The following PCDH15 variants were observed in gnomAD, a reference collection of about 807,000 sequenced individuals.
PCDH15 encodes the protein protocadherin related 15, also known as protocadherin-15.
Under a neutral mutation model 178.5 loss-of-function variants are expected in PCDH15, and 129 were observed. That is an observed-to-expected ratio of 0.72 (90% confidence interval 0.63 to 0.84). The LOEUF is 0.84. Among genes scored for constraint, PCDH15 ranks in the 40% least tolerant of loss-of-function variants. PCDH15 has a pLI of 0.00. For missense variants in PCDH15, 2,230 were observed against 2,099.9 expected (o/e 1.06, Z -1.21); for synonymous variants, 800 against 732.0 (o/e 1.09, Z -1.50).
intron 18 of PCDH15, among the ~76,000 whole-genome samples, chr10:54,028,943 A>AT (rs1491566644): frequency 7.6e-6 from 1 of 131,498 alleles, no homozygotes; most frequent in African/African-American, 3.3e-5. Flanking sequence ...TATAATAATA[A>AT]TAAAAAAAAG....
chr10:54,881,430 A>G (rs1954259996), intron 3 of PCDH15, among the ~76,000 whole-genome samples: 1 of 152,126 alleles, frequency 6.6e-6, no homozygotes. Context: ...TAAATAGTTT[A>G]GTCTGTGCTT....
At chr10:55,538,862 CTCCTTTCCTTCCTTCCTCCCTTCCT>C (rs1841681726) in intron 2 of PCDH15, among the ~76,000 whole-genome samples, 8 of 31,140 alleles carry the variant, frequency 2.6e-4, no homozygotes, top group Non-Finnish European at 3.9e-4. Context: ...TCCTTCCTTC[CTCCTTTCCTTCCTTCCTCCCTTCCT>C]TCCTTTCCTT....
At chr10:54,174,579 T>A (rs1194130722) in intron 13 of PCDH15, among the ~76,000 whole-genome samples, 1 of 151,400 alleles carries the variant, frequency 6.6e-6, no homozygotes, top group Non-Finnish European at 1.5e-5. Context: ...TGAGAAAAAA[T>A]TGGTAGGAGG....
At chr10:53,823,319 A>T (rs1460890929) in intron 32 of PCDH15, 1 of 1,613,830 alleles carries the variant, frequency 6.2e-7, no homozygotes, top group African/African-American at 1.3e-5. Flanking sequence ...AGACTGAGTT[A>T]TTTCCCCTGC....
At chr10:54,027,206 T>TAA (rs1193715630) in intron 18 of PCDH15, among the ~76,000 whole-genome samples, 14 of 148,366 alleles carry the variant, frequency 9.4e-5, no homozygotes, top group African/African-American at 3.3e-4. Flanking sequence ...TCAAAGAGGA[T>TAA]AAAATACCTA....
At chr10:54,117,260 TC>T (rs993397583) in intron 15 of PCDH15, among the ~76,000 whole-genome samples, 8 of 140,498 alleles carry the variant, frequency 5.7e-5, no homozygotes, top group African/African-American at 2.1e-4. Context: ...GGCAGGCAGC[TC>T]CAGGTGCCAG....
At chr10:55,384,421 A>T (rs888335863) in intron 2 of PCDH15, among the ~76,000 whole-genome samples, 1 of 152,062 alleles carries the variant, frequency 6.6e-6, no homozygotes, top group African/African-American at 2.4e-5. Flanking sequence ...CTGTTATCTC[A>T]AATAAAAACA....
intron 14 of PCDH15, among the ~76,000 whole-genome samples, chr10:54,140,368 T>A (rs2043282381): frequency 6.6e-6 from 1 of 152,074 alleles, no homozygotes; most frequent in Non-Finnish European, 1.5e-5. Context: ...GAATCAGGAA[T>A]AAAATATCCA....
At chr10:54,707,703 A>G (rs751110287) in intron 1 of PCDH15, among the ~76,000 whole-genome samples, 61 of 152,206 alleles carry the variant, frequency 4.0e-4, no homozygotes, top group Non-Finnish European at 6.2e-4. Flanking sequence ...TTCTCACTTC[A>G]TGAAAAACTG....
intron 3 of PCDH15, among the ~76,000 whole-genome samples, chr10:54,420,759 A>G (rs1275444534): frequency 2.6e-5 from 4 of 152,100 alleles, no homozygotes. Flanking sequence ...CAGATGAAGA[A>G]AAAAGGAAAT....
At chr10:54,876,524 T>A (rs1421342437) in intron 3 of PCDH15, among the ~76,000 whole-genome samples, 4 of 152,096 alleles carry the variant, frequency 2.6e-5, no homozygotes, top group Non-Finnish European at 5.9e-5. Context: ...ATTAAGAACA[T>A]TCATGATTTA....
chr10:54,011,794 G>T (rs2092594364), intron 20 of PCDH15, among the ~76,000 whole-genome samples: 1 of 152,160 alleles, frequency 6.6e-6, no homozygotes, highest in Non-Finnish European at 1.5e-5. Flanking sequence ...CCAACTGACT[G>T]TACTCAAATT....
At chr10:53,808,574 G>A in intron 37 of PCDH15, 1 of 1,459,354 alleles carries the variant, frequency 6.9e-7, no homozygotes, top group South Asian at 1.5e-5. Context: ...CTGATCATAA[G>A]TCATATCAAA....
In PCDH15 at chr10:55,335,826, G is replaced by T. The variant is rs550742729; in HGVS notation, c.-155-169175C>A. Among the ~76,000 whole-genome samples, 4 of 152,166 alleles carry T rather than the reference G, an allele frequency of 2.6e-5. No individual in the cohort carries two copies. The South Asian group carries it at 8.3e-4, about 32-fold the overall frequency. The stretch of plus-strand genomic sequence containing the variant: ...GGGTAACTTGTAGTTCCTCATAATA[G>T]CTATAGTTTTAAATGTTATATGATT... On this transcript the variant is annotated intron_variant, in intron 2 of 5. Transcript: ENST00000613346.
At chr10:54,657,477 CTAGTGAATAAGA>C (rs965913562) in intron 2 of PCDH15, among the ~76,000 whole-genome samples, 31 of 152,302 alleles carry the variant, frequency 2.0e-4, no homozygotes, top group African/African-American at 7.5e-4. Flanking sequence ...AGGCACAGGG[CTAGTGAATAAGA>C]TAAGCTTCCT....
intron 2 of PCDH15, among the ~76,000 whole-genome samples, chr10:55,041,798 A>C (rs1409141266): frequency 2.0e-5 from 3 of 152,172 alleles, no homozygotes; most frequent in African/African-American, 7.2e-5. Flanking sequence ...AAACTTTTTT[A>C]GAAAACCAGA....
At chr10:54,613,138 CTA>C (rs1388867162) in intron 2 of PCDH15, among the ~76,000 whole-genome samples, 1 of 151,714 alleles carries the variant, frequency 6.6e-6, no homozygotes, top group Non-Finnish European at 1.5e-5. Context: ...CACGGCATTG[CTA>C]TGTTTTTAAA....
At position 54,578,010 on chromosome 10, in the gene PCDH15, A is replaced by G. The variant is rs374698414; in HGVS notation, c.92-50133T>C. Among the ~76,000 whole-genome samples the G allele has an allele frequency of 9.2e-5, 14 of 152,340 alleles. No individual in the cohort carries two copies. In the South Asian group the frequency reaches 1.4e-3, roughly 16 times the overall value. On this transcript the variant is annotated intron_variant, in intron 2 of 37. Coordinates refer to ENST00000644397, the MANE Select transcript of PCDH15 (RefSeq NM_001384140.1). ...GTAAATTAGGATTAAATTGTATAAC[A>G]TTGATTCATACATTGCCTTGGATGA...
At position 54,912,736 on chromosome 10, in the gene PCDH15, G is replaced by C. The variant is rs140543422; in HGVS notation, c.-79-15236C>G. Among the ~76,000 whole-genome samples, 842 of 152,256 alleles carry C rather than the reference G, an allele frequency of 5.5e-3. 8 individuals carry two copies. Among genetic ancestry groups the C allele is most frequent in the South Asian group, 0.023 (111 of 4,826 alleles). On this transcript the variant is annotated intron_variant, in intron 2 of 5. Transcript: ENST00000458638. Reference sequence around the variant, plus strand: ...TTGGGTAATGGGCAAGGTTGAAACAGTTTGGAGGGCTCAGAAAAAGACAGA... The same window carrying C: ...TTGGGTAATGGGCAAGGTTGAAACACTTTGGAGGGCTCAGAAAAAGACAGA...
Sources: allele counts gnomAD v4.1 joint callset (sites outside exome capture counted in the v4.1 genomes callset), GRCh38; gene constraint gnomAD v4.1.1; transcripts MANE v1.5; gene names NCBI Gene and HGNC (gene_info 2026-07-23, HGNC 2026-07-21).